Variants in RBM25 observed in about 807,000 individuals in gnomAD.
RBM25 encodes the protein RNA-binding protein 25.
Under a neutral mutation model 120.7 loss-of-function variants are expected in RBM25, and 19 were observed. The ratio of observed to expected loss-of-function variants is 0.16; its 90% CI spans 0.11 to 0.23. The LOEUF (loss-of-function observed/expected upper bound fraction) is 0.23, where lower values mean the gene tolerates loss of function less well. Among genes scored for constraint, RBM25 ranks in the 10% least tolerant of loss-of-function variants. The probability of loss-of-function intolerance (pLI) is 1.00; values close to 1 mark genes in which losing one functional copy is unlikely to be tolerated. For synonymous variants in RBM25, 390 were observed against 326.7 expected, an observed-to-expected ratio of 1.19 and a Z score of -2.09; for missense variants, 605 against 1,041.5, an observed-to-expected ratio of 0.58 and a Z score of 5.77.
At chr14:73,112,033 G>A (rs1000912183) in intron 16 of RBM25, 119 bp from the exon 17 acceptor site, 1 of 1,097,958 alleles carries the variant, frequency 9.1e-7, no homozygotes, top group Non-Finnish European at 1.3e-6. Flanking sequence ...ATACATATCT[G>A]TCTTAGTTCA....
chr14:73,079,151 G>A (rs918874348), intron 4 of RBM25, among the ~76,000 whole-genome samples: 6 of 149,412 alleles, frequency 4.0e-5, no homozygotes, highest in African/African-American at 1.5e-4. Context: ...GGCCAGGTGC[G>A]GTGTCTCACA....
intron 1 of RBM25, 76 bp from the exon 2 acceptor site, chr14:73,071,551 T>C (rs1212279958): frequency 1.0e-5 from 11 of 1,048,366 alleles, no homozygotes; most frequent in Admixed American, 4.4e-5. Context: ...ACTCTAAAAA[T>C]GAAAGTCAAC....
intron 2 of RBM25, among the ~76,000 whole-genome samples, chr14:73,075,987 A>G (rs998917389): frequency 2.6e-5 from 4 of 152,110 alleles, no homozygotes; most frequent in African/African-American, 4.8e-5. Context: ...TTGTTCACCT[A>G]TAAGTCAGTC....
intron 18 of RBM25, among the ~76,000 whole-genome samples, chr14:73,115,010 A>T (rs977546257): frequency 6.6e-6 from 1 of 152,258 alleles, no homozygotes; most frequent in African/African-American, 2.4e-5. Flanking sequence ...TAGCAGAGAG[A>T]TAGGTATACA....
At chr14:73,107,741 A>C in intron 12 of RBM25, 85 bp from the exon 13 acceptor site, 1 of 991,774 alleles carries the variant, frequency 1.0e-6, no homozygotes, top group Non-Finnish European at 1.5e-6. Flanking sequence ...TGTCTGGGTC[A>C]GAAAAATCTG....
chr14:73,094,813 GTGT>G (rs1566593313), intron 6 of RBM25, among the ~76,000 whole-genome samples: 8 of 3,688 alleles, frequency 2.2e-3, no homozygotes, highest in East Asian at 0.031. Context: ...GGAGCGAGGT[GTGT>G]GTGTGTGTGT....
At chr14:73,105,248 C>T (rs1896159862) in intron 10 of RBM25, among the ~76,000 whole-genome samples, 2 of 151,332 alleles carry the variant, frequency 1.3e-5, no homozygotes, top group Non-Finnish European at 2.9e-5. Flanking sequence ...GGCAGGACTA[C>T]AGGCACGTGC....
At chr14:73,086,786 C>T (rs1895695984) in intron 5 of RBM25, among the ~76,000 whole-genome samples, 1 of 152,158 alleles carries the variant, frequency 6.6e-6, no homozygotes. Flanking sequence ...CTTACTGCAA[C>T]TTCTGCCTCC....
chr14:73,093,528 C>T (rs1023113171), intron 6 of RBM25, among the ~76,000 whole-genome samples: 6 of 152,220 alleles, frequency 3.9e-5, no homozygotes, highest in South Asian at 4.1e-4. Flanking sequence ...CTCTGCCCAC[C>T]GAAGTCTCAC....
At chr14:73,094,576 T>C (rs1194221901) in intron 6 of RBM25, among the ~76,000 whole-genome samples, 1 of 151,882 alleles carries the variant, frequency 6.6e-6, no homozygotes, top group Non-Finnish European at 1.5e-5. Flanking sequence ...GCCTCCCAAG[T>C]AGCTGGGACC....
intron 13 of RBM25, among the ~76,000 whole-genome samples, chr14:73,108,291 C>T (rs762526986): frequency 2.6e-5 from 4 of 152,112 alleles, no homozygotes; most frequent in Non-Finnish European, 5.9e-5. Context: ...CTCAAGCAGT[C>T]CTCCCTCTGC....
intron 1 of RBM25, among the ~76,000 whole-genome samples, chr14:73,067,770 AT>A (rs879628242): frequency 2.0e-3 from 276 of 140,628 alleles, no homozygotes; most frequent in Admixed American, 1.6e-3. Flanking sequence ...CACCCAGCTA[AT>A]TTTTTTTTTT....
At position 73,111,758 on chromosome 14, in the gene RBM25, C is replaced by A; in HGVS notation, c.2248C>A (p.Pro750Thr). Residue 750 changes from proline to threonine, a missense_variant, in exon 16 of 19, where the codon CCT (proline) becomes ACT (threonine). Transcript: ENST00000261973. The part of the protein sequence containing the change: ...SLIEKIPTAK[P>T]ELFAYPLDWS... ...CATTGAGAAAATCCCTACAGCCAAACCTGAGCTCTTCGCTTATCCCCTGGA... is the reference window on the plus strand; with the variant it reads ...CATTGAGAAAATCCCTACAGCCAAAACTGAGCTCTTCGCTTATCCCCTGGA... 6.2e-7 allele frequency: 1 copy of A among 1,612,642 alleles called. No individual in the cohort carries two copies. Among genetic ancestry groups the A allele is most frequent in the Non-Finnish European group, 8.5e-7 (1 of 1,179,630 alleles).
rs553320819 is a variant in RBM25 at position 73,081,202 on chromosome 14, C to G, written c.325-2292C>G. Among the ~76,000 whole-genome samples the G allele has an allele frequency of 1.7e-3, 258 of 148,474 alleles. 2 individuals carry two copies. Among genetic ancestry groups the G allele is most frequent in the African/African-American group, 6.6e-3 (255 of 38,484 alleles). Reference sequence around the variant, plus strand: ...TTGCCCAGGCTGGAGTGCAGTGGCACGATCTCAGCTCACTGCAACCTCCGC... The same window carrying G: ...TTGCCCAGGCTGGAGTGCAGTGGCAGGATCTCAGCTCACTGCAACCTCCGC... On this transcript the variant is annotated intron_variant, in intron 4 of 18. Transcript: ENST00000261973.
At position 73,103,948 on chromosome 14, in the gene RBM25, T is replaced by TCTCTCACACACA. The variant is rs1594928335; in HGVS notation, c.1154+471_1154+472insTCTCACACACAC. On this transcript the variant is annotated intron_variant, in intron 10 of 18. Coordinates refer to ENST00000261973, the MANE Select transcript of RBM25 (RefSeq NM_021239.3). The stretch of plus-strand genomic sequence containing the variant: ...CTCTCTCTCTCTCTCTCTCTCTCTC[T>TCTCTCACACACA]CACACACACACACACACACACACAC... 9.6e-4 allele frequency among the ~76,000 whole-genome samples: 88 copies of TCTCTCACACACA among 91,388 alleles called. 1 individual carries two copies. Among genetic ancestry groups the TCTCTCACACACA allele is most frequent in the Non-Finnish European group, 1.8e-3 (73 of 41,056 alleles). The allele number at this position is 91,388 out of a possible 152,430, so 60.0% of individuals were successfully genotyped here. A position where few individuals can be genotyped will look rare whatever the true frequency, so the allele number is the denominator to read the frequency against.
intron 7 of RBM25, among the ~76,000 whole-genome samples, chr14:73,097,521 G>A (rs1420000633): frequency 6.6e-6 from 1 of 152,056 alleles, no homozygotes; most frequent in Admixed American, 6.6e-5. Context: ...TTTTTACAGA[G>A]ACAAGGTCTC....
intron 7 of RBM25, 54 bp from the exon 8 acceptor site, chr14:73,099,326 G>A: frequency 1.3e-6 from 2 of 1,504,754 alleles, no homozygotes; most frequent in Non-Finnish European, 1.8e-6. Flanking sequence ...TTGCAGATTA[G>A]TATGAGCTCT....
chr14:73,090,572 G>T (rs1053273225), intron 6 of RBM25, among the ~76,000 whole-genome samples: 2 of 152,088 alleles, frequency 1.3e-5, no homozygotes, highest in African/African-American at 4.8e-5. Flanking sequence ...TTATCAGCCT[G>T]CCCTTAGTTT....
At chr14:73,118,888 C>T (rs1896488444) in intron 18 of RBM25, among the ~76,000 whole-genome samples, 1 of 152,088 alleles carries the variant, frequency 6.6e-6, no homozygotes, top group Non-Finnish European at 1.5e-5. Flanking sequence ...CCTACCTCAG[C>T]CTCCCGAGTA....
Sources: allele counts gnomAD v4.1 joint callset (sites outside exome capture counted in the v4.1 genomes callset), GRCh38; gene constraint gnomAD v4.1.1; transcripts MANE v1.5; gene names NCBI Gene and HGNC (gene_info 2026-07-23, HGNC 2026-07-21).